Variants in IPO11 observed in about 807,000 individuals in gnomAD.
IPO11 encodes importin 11.
A neutral mutation model predicts 143.2 loss-of-function variants in IPO11; 66 were observed. The observed-to-expected ratio is 0.46, with a 90% CI of 0.38 to 0.57. The LOEUF is 0.57. Among genes scored for constraint, IPO11 ranks in the 20% least tolerant of loss-of-function variants. IPO11 has a pLI of 0.00. For synonymous variants in IPO11, 385 were observed against 377.8 expected (o/e 1.02, Z -0.22); for missense variants, 1,026 against 1,141.0 (o/e 0.90, Z 1.45).
chr5:62,488,132 C>T (rs1746474547), intron 13 of IPO11, among the ~76,000 whole-genome samples: 1 of 151,938 alleles, frequency 6.6e-6, no homozygotes, highest in African/African-American at 2.4e-5. Context: ...GAAAGTCTAT[C>T]TGGAGCGTGT....
At chr5:62,493,509 A>G (rs1227022215) in intron 15 of IPO11, among the ~76,000 whole-genome samples, 7 of 152,028 alleles carry the variant, frequency 4.6e-5, no homozygotes, top group Admixed American at 6.6e-5. Flanking sequence ...AATAATATTT[A>G]TTTAGATCAA....
chr5:62,628,424 A>G lies in IPO11; in HGVS notation c.*1106A>G, dbSNP rs978198961. 3.3e-5 allele frequency: 5 copies of G among 152,608 alleles called. No homozygotes were observed. The highest frequency in any genetic ancestry group is 7.3e-5 in the Non-Finnish European group (5 of 68,028). The allele number at this position is 152,608 out of a possible 1,614,324, so 9.5% of individuals were successfully genotyped here. On this transcript the variant is annotated 3_prime_UTR_variant, in exon 30 of 30. Coordinates refer to ENST00000325324, the MANE Select transcript of IPO11 (RefSeq NM_016338.5). The stretch of plus-strand genomic sequence containing the variant: ...GAAATACTCAAAAGCAAGGTTGGAA[A>G]ATGTTTTATCTTTCTATAGAAAGTT...
chr5:62,553,205 T>C (rs4272086), intron 26 of IPO11, among the ~76,000 whole-genome samples: 147,419 of 152,322 alleles, frequency 0.97, 71,378 homozygotes, highest in East Asian at 1. Context: ...TGAGAACACG[T>C]AGTATTTCTC....
rs749829657 is a variant in IPO11 at position 62,515,421 on chromosome 5, T to C, written c.1816T>C (p.Leu606=). The stretch of plus-strand genomic sequence containing the variant: ...ATATGTGGGATGTTTGGTACAATAT[T>C]TGCCCCTCCTTTGGAAGCAGAGTGA... ...RPYVGCLVQY[L]PLLWKQSEEH... Residue 606 remains leucine (L), a synonymous_variant, in exon 20 of 30, where the codon TTG becomes CTG. Transcript: ENST00000325324. 124 of 1,610,994 alleles carry C rather than the reference T, an allele frequency of 7.7e-5. No individual in the cohort carries two copies. Among genetic ancestry groups the C allele is most frequent in the Middle Eastern group, 1.7e-4 (1 of 6,050 alleles).
At chr5:62,545,138 C>G (rs1195099202) in intron 24 of IPO11, among the ~76,000 whole-genome samples, 7 of 152,100 alleles carry the variant, frequency 4.6e-5, no homozygotes, top group African/African-American at 1.7e-4. Flanking sequence ...CCTGCATTGC[C>G]AAGACAATCG....
intron 27 of IPO11, chr5:62,579,798 C>T (rs746816763): frequency 1.0e-5 from 16 of 1,543,566 alleles, no homozygotes; most frequent in Non-Finnish European, 1.2e-5. Flanking sequence ...ATAATTTCAT[C>T]AAACGCTTAG....
chr5:62,587,980 C>T (rs940428704), intron 27 of IPO11, among the ~76,000 whole-genome samples: 1 of 152,172 alleles, frequency 6.6e-6, no homozygotes, highest in Non-Finnish European at 1.5e-5. Flanking sequence ...TCTGTGTGTT[C>T]TCTAGCAATT....
Position 62,432,663 on chromosome 5 carries a change from C to G in IPO11, c.-6-4611C>G, listed in dbSNP as rs142836591. ...ACTTTGAGCTTTTTATAATTTTCAC[C>G]AGTTAGGGTTGTATCCCTGAGGAGA... On this transcript the variant is annotated intron_variant, in intron 1 of 29. Transcript: ENST00000325324. Among the ~76,000 whole-genome samples the G allele has an allele frequency of 2.0e-5, 3 of 152,248 alleles. No individual in the cohort carries two copies. The East Asian group carries it at 5.8e-4, about 29-fold the overall frequency.
chr5:62,567,097 T>C (rs1289611310), intron 27 of IPO11, among the ~76,000 whole-genome samples: 3 of 152,228 alleles, frequency 2.0e-5, no homozygotes, highest in African/African-American at 7.2e-5. Flanking sequence ...GCAGTTTTTG[T>C]AAGACAGGCC....
At chr5:62,458,563 A>C (rs376024024) in intron 5 of IPO11, among the ~76,000 whole-genome samples, 11 of 152,090 alleles carry the variant, frequency 7.2e-5, no homozygotes, top group Admixed American at 3.3e-4. Context: ...GACCTCCCGA[A>C]GTGTTAGGAT....
intron 5 of IPO11, among the ~76,000 whole-genome samples, chr5:62,460,928 A>G (rs1355182698): frequency 6.6e-6 from 1 of 152,108 alleles, no homozygotes; most frequent in Non-Finnish European, 1.5e-5. Flanking sequence ...TTTCTGGAGC[A>G]GATAGGAGGT....
Position 62,506,845 on chromosome 5 carries a change from C to T in IPO11, c.1782+488C>T, listed in dbSNP as rs538058970. On this transcript the variant is annotated intron_variant, in intron 19 of 29. Transcript: ENST00000325324. The stretch of plus-strand genomic sequence containing the variant: ...GAATCTTTGTGGAAAATTGTTAATC[C>T]GGAAAACCACACTGTAATTATCGTT... Among the ~76,000 whole-genome samples, 226 of 152,230 alleles carry T rather than the reference C, an allele frequency of 1.5e-3. 1 individual carries two copies. Among genetic ancestry groups the T allele is most frequent in the African/African-American group, 4.4e-3 (181 of 41,550 alleles).
At chr5:62,430,121 T>C (rs566313184) in intron 1 of IPO11, among the ~76,000 whole-genome samples, 1 of 152,340 alleles carries the variant, frequency 6.6e-6, no homozygotes, top group Non-Finnish European at 1.5e-5. Flanking sequence ...TTTTTGGCTA[T>C]TATGAATAAT....
chr5:62,617,577 C>T (rs1580394480), intron 29 of IPO11, among the ~76,000 whole-genome samples: 1 of 151,892 alleles, frequency 6.6e-6, no homozygotes, highest in African/African-American at 2.4e-5. Context: ...AGCCATTTTA[C>T]TTTAATGACA....
intron 1 of IPO11, chr5:62,419,114 G>T: frequency 6.5e-7 from 1 of 1,549,928 alleles, no homozygotes; most frequent in Non-Finnish European, 8.7e-7. Context: ...ACTGTAAGCA[G>T]TTGTCACAAA....
At chr5:62,625,264 G>T (rs947462934) in intron 29 of IPO11, among the ~76,000 whole-genome samples, 1 of 152,164 alleles carries the variant, frequency 6.6e-6, no homozygotes, top group Non-Finnish European at 1.5e-5. Context: ...CTAAAATCTT[G>T]AACCACTTTA....
rs139795508 is a variant in IPO11 at position 62,592,965 on chromosome 5, T to C, written c.2678+1293T>C. 1.9e-3 allele frequency among the ~76,000 whole-genome samples: 296 copies of C among 152,326 alleles called. 2 individuals are homozygous for C. Among genetic ancestry groups the C allele is most frequent in the East Asian group, 0.012 (61 of 5,182 alleles). The stretch of plus-strand genomic sequence containing the variant: ...CAATGGCACACGACTGTAAATTGTA[T>C]ACTTAATATGTGACAAAGTTTACAA... On this transcript the variant is annotated intron_variant, in intron 28 of 29. Coordinates refer to ENST00000325324, the MANE Select transcript of IPO11 (RefSeq NM_016338.5).
At chr5:62,511,809 C>A (rs1333943364) in intron 19 of IPO11, among the ~76,000 whole-genome samples, 1 of 149,278 alleles carries the variant, frequency 6.7e-6, no homozygotes, top group South Asian at 2.1e-4. Context: ...AGGCTTTTAA[C>A]ATGAACAGAT....
intron 24 of IPO11, among the ~76,000 whole-genome samples, chr5:62,542,878 T>G (rs1227962349): frequency 6.6e-6 from 1 of 152,228 alleles, no homozygotes; most frequent in Non-Finnish European, 1.5e-5. Context: ...GTTTCTTTTT[T>G]TCACTGTGAT....
Sources: gnomAD v4.1 joint callset for allele counts (sites outside exome capture counted in the v4.1 genomes callset) on GRCh38, gnomAD v4.1.1 for gene constraint, MANE v1.5 for transcripts, NCBI Gene and HGNC (gene_info 2026-07-23, HGNC 2026-07-21) for gene names.